Variants in CACNA1F observed in about 807,000 individuals in gnomAD.
CACNA1F encodes voltage-dependent L-type calcium channel subunit alpha-1F.
Under a neutral mutation model 143.8 loss-of-function variants are expected in CACNA1F, and 59 were observed. The ratio of observed to expected loss-of-function variants is 0.41; its 90% CI spans 0.33 to 0.51. CACNA1F has a LOEUF of 0.51. CACNA1F is among the 20% of genes least tolerant of loss of function. The probability of loss-of-function intolerance (pLI) is 0.22; values close to 1 mark genes in which losing one functional copy is unlikely to be tolerated. For synonymous variants in CACNA1F, 643 were observed against 649.1 expected (o/e 0.99, Z 0.14); for missense variants, 1,411 against 1,647.5 (o/e 0.86, Z 2.48).
intron 18 of CACNA1F, 61 bp from the exon 19 acceptor site, chrX:49,220,585 G>A (rs1216628043): frequency 5.4e-6 from 5 of 925,516 alleles, no homozygotes; most frequent in East Asian, 3.1e-5. Flanking sequence ...GGACACAGGG[G>A]AGGCATGGAA....
Position 49,210,991 on chromosome X carries a change from G to T in CACNA1F, c.4362C>A (p.Ile1454=). The part of the protein sequence containing the change: ...GPHHLDEFKR[I]WSEYDPGAKG... ...TGGCCCCAGGGTCATATTCAGACCA[G>T]ATCCTCTTGAATTCATCAAGGTGAT... Residue 1454 remains isoleucine (I), a synonymous_variant, in exon 37 of 48, where the codon ATC becomes ATA. Coordinates refer to ENST00000323022, the MANE Select transcript of CACNA1F (RefSeq NM_001256789.3). The T allele has an allele frequency of 8.3e-7, 1 of 1,207,313 alleles. No individual in the cohort carries two copies. Among genetic ancestry groups the T allele is most frequent in the Non-Finnish European group, 1.1e-6 (1 of 892,837 alleles).
At chrX:49,212,419 C>A in intron 33 of CACNA1F, 111 bp from the exon 34 acceptor site, 1 of 671,563 alleles carries the variant, frequency 1.5e-6, no homozygotes, top group Non-Finnish European at 2.4e-6. Context: ...GAGATGCAGT[C>A]CATCTCCAAA....
At position 49,211,867 on chromosome X, in the gene CACNA1F, A is replaced by G. The variant is rs782335733; in HGVS notation, c.4100+31T>C. On this transcript the variant is annotated intron_variant, in intron 35 of 47. Coordinates refer to ENST00000323022, the MANE Select transcript of CACNA1F (RefSeq NM_001256789.3). ...AGAGGGTGGGTGGGCACCCACGGGCATAAGGTGGCAGGGGAGTGAGTAGAT... is the reference window on the plus strand; with the variant it reads ...AGAGGGTGGGTGGGCACCCACGGGCGTAAGGTGGCAGGGGAGTGAGTAGAT... The G allele has an allele frequency of 6.9e-6, 8 of 1,156,848 alleles. No individual in the cohort carries two copies. The South Asian group carries it at 1.3e-4, about 18-fold the overall frequency.
At position 49,220,517 on chromosome X, in the gene CACNA1F, C is replaced by T. The variant is rs1557108545; in HGVS notation, c.2342G>A (p.Gly781Asp). 8 of 1,207,450 alleles carry T rather than the reference C, an allele frequency of 6.6e-6. No individual in the cohort carries two copies. The highest frequency in any genetic ancestry group is 2.2e-6 in the Non-Finnish European group (2 of 892,058). The change falls in exon 19 of 48, where the codon GGT (glycine) becomes GAT (aspartate). Residue 781 changes from glycine (G) to aspartate (D), a missense_variant. By Grantham distance (94) the Gly-to-Asp change is moderately conservative. Around this residue, in one of 3 missense-constraint regions of CACNA1F, gnomAD observed 950 missense variants for 1,128.1 expected, o/e 0.84. Transcript: ENST00000323022. ...LPQENEGLVP[G>D]VEKEEEEGAR... ...ACCCTCCTCTTCCTCTTTCTCCACA[C>T]CAGGCACCTGAGGACAGGAAGACGG...
At position 49,224,776 on chromosome X, in the gene CACNA1F, AT is replaced by A; in HGVS notation, c.1861del (p.Ile621SerfsTer11). The A allele has an allele frequency of 8.5e-7, 1 of 1,174,504 alleles. No individual in the cohort carries two copies. The highest frequency in any genetic ancestry group is 1.1e-6 in the Non-Finnish European group (1 of 873,834). ...SVLRCVRLLRIFKVTRHWASL... is the reference protein window; with the variant it reads ...SVLRCVRLLRXFKVTRHWASL... ...TAATACAAACCTGGTGACCTTAAAG[AT>A]CCTGAGGAGGCGCACACATCGGAGC... is the stretch of plus-strand genomic sequence containing the variant. On this transcript the variant is annotated frameshift_variant, in exon 14 of 48. Transcript: ENST00000323022. LOFTEE classifies it high-confidence loss of function.
chrX:49,224,706 G>C, intron 14 of CACNA1F, 55 bp downstream of exon 14: 1 of 729,805 alleles, frequency 1.4e-6, no homozygotes, highest in Non-Finnish European at 2.1e-6. Context: ...GAGCTTGGGT[G>C]GGGGTGTTGA....
intron 6 of CACNA1F, among the ~76,000 whole-genome samples, chrX:49,229,881 A>G (rs1557110895): frequency 1.0e-5 from 1 of 99,995 alleles, no homozygotes; most frequent in South Asian, 4.3e-4. Context: ...CGATCTCCTG[A>G]CCTCGTGATC....
chrX:49,223,285 G>T, intron 14 of CACNA1F, 149 bp from the exon 15 acceptor site: 1 of 467,119 alleles, frequency 2.1e-6, no homozygotes. Context: ...AAATGATTTT[G>T]GAGTTGGGGT....
At chrX:49,207,457 G>A (rs2065610204) in intron 43 of CACNA1F, among the ~76,000 whole-genome samples, 1 of 111,144 alleles carries the variant, frequency 9.0e-6, no homozygotes, top group South Asian at 3.8e-4. Context: ...CTGAGACGAG[G>A]TCTTACTCTG....
chrX:49,211,267 C>T (rs1467283735), intron 36 of CACNA1F, 55 bp downstream of exon 36: 9 of 1,172,927 alleles, frequency 7.7e-6, no homozygotes, highest in Non-Finnish European at 1.0e-5. Context: ...ATCCCTGAGC[C>T]CCTCAGGGCC....
rs2147924566 is a variant in CACNA1F, at chrX:49,230,599, C to T, written c.532G>A (p.Val178Ile). Residue 178 changes from valine to isoleucine, a missense_variant, in exon 5 of 48, where the codon GTT (valine) becomes ATT (isoleucine). Val to Ile is a conservative substitution (Grantham distance 29). Transcript: ENST00000323022. ...CGTCCGGGGCCCTGCTCCAGCAGAA[C>T]GCTGAACAGCCTGATGGGGGAGCAC... is the stretch of plus-strand genomic sequence containing the variant. ...FIIVVVGLFS[V>I]LLEQGPGRPG... 1 of 1,168,163 alleles carries T rather than the reference C, an allele frequency of 8.6e-7. No homozygotes were observed. Among genetic ancestry groups the T allele is most frequent in the Admixed American group, 2.5e-5 (1 of 39,440 alleles).
chrX:49,221,053 T>C lies in CACNA1F; in HGVS notation c.2316A>G (p.Pro772=). Residue 772 remains proline (P), a synonymous_variant, in exon 18 of 48, where the codon CCA becomes CCG. Transcript: ENST00000323022. ...AACTCACCAGGCCTTCATTCTCCTG[T>C]GGGAGATCCTTCTCATTGCTCTTCT... ...GGEKSNEKDL[P]QENEGLVPGV... is the part of the protein sequence containing the mutation. 1 of 1,209,719 alleles carries C rather than the reference T, an allele frequency of 8.3e-7. No homozygotes were observed. The highest frequency in any genetic ancestry group is 1.1e-6 in the Non-Finnish European group (1 of 893,412).
chrX:49,207,453 C>T lies in CACNA1F; in HGVS notation c.5124-341G>A, dbSNP rs1179141575. ...TATTTCTATTTTTTATTTTCTGAGA[C>T]GAGGTCTTACTCTGTCACTTAGGCT... On this transcript the variant is annotated intron_variant, in intron 43 of 47. Coordinates refer to ENST00000323022, the MANE Select transcript of CACNA1F (RefSeq NM_001256789.3). Among the ~76,000 whole-genome samples the T allele has an allele frequency of 2.7e-5, 3 of 111,106 alleles. No homozygotes were observed. In the Admixed American group the frequency reaches 2.9e-4, roughly 11 times the overall value.
chrX:49,217,364 C>A (rs900558468), intron 26 of CACNA1F, among the ~76,000 whole-genome samples: 7 of 112,796 alleles, frequency 6.2e-5, no homozygotes, highest in Non-Finnish European at 1.1e-4. Context: ...CACTGTTTAG[C>A]CCCGTTTTTC....
rs1557105486 is a variant in CACNA1F, at chrX:49,208,649, G to A, written c.4989C>T (p.Gly1663=). The stretch of plus-strand genomic sequence containing the variant: ...CAGGCAGAGACACAGAAATCCCGGA[G>A]CCCCGGCGAGCTGAGGGCTGGGAGA... The part of the protein sequence containing the change: ...TMVSQPSARR[G]SGISVSLPVG... The change falls in exon 43 of 48, where the codon GGC becomes GGT. Residue 1663 remains glycine, a synonymous_variant. Coordinates refer to ENST00000323022, the MANE Select transcript of CACNA1F (RefSeq NM_001256789.3). 1 of 1,210,659 alleles carries A rather than the reference G, an allele frequency of 8.3e-7. No individual in the cohort carries two copies.
intron 3 of CACNA1F, 85 bp from the exon 4 acceptor site, chrX:49,231,074 G>GCCCCACCCTCGGTCCT: frequency 2.3e-6 from 2 of 868,928 alleles, no homozygotes; most frequent in Non-Finnish European, 3.3e-6. Context: ...AGCATAGTCA[G>GCCCCACCCTCGGTCCT]GACCGAGGGT....
chrX:49,214,264 A>G lies in CACNA1F; in HGVS notation c.3603T>C (p.Tyr1201=). The change falls in exon 30 of 48, where the codon TAT becomes TAC. Residue 1201 remains tyrosine (Y), a synonymous_variant. Coordinates refer to ENST00000323022, the MANE Select transcript of CACNA1F (RefSeq NM_001256789.3). Reference sequence around the variant, plus strand: ...CATAGTTGAAGGGAGCAGTCTGCTCATAGTGCTGCAGGAGAAAATCAGGTT... The same window carrying G: ...CATAGTTGAAGGGAGCAGTCTGCTCGTAGTGCTGCAGGAGAAAATCAGGTT... The part of the protein sequence containing the change: ...LNTVALAMQH[Y]EQTAPFNYAM... 8.8e-7 allele frequency: 1 copy of G among 1,137,509 alleles called. No individual in the cohort carries two copies. 93.7% of individuals were successfully genotyped at this position (1,137,509 alleles called of 1,213,427 possible).
At chrX:49,216,130 T>C (rs1483926514) in intron 27 of CACNA1F, among the ~76,000 whole-genome samples, 1 of 110,381 alleles carries the variant, frequency 9.1e-6, no homozygotes, top group Non-Finnish European at 1.9e-5. Context: ...AGCTACCTAG[T>C]CCCTTAGAAA....
intron 39 of CACNA1F, 102 bp downstream of exon 39, chrX:49,210,199 A>G (rs1557105866): frequency 3.0e-5 from 21 of 706,210 alleles, no homozygotes; most frequent in Non-Finnish European, 4.8e-5. Context: ...GAATCCTGTC[A>G]CCCATTCTGG....
Sources: allele counts gnomAD v4.1 joint callset (sites outside exome capture counted in the v4.1 genomes callset), GRCh38; gene constraint gnomAD v4.1.1; regional missense constraint gnomAD v4.1.1; transcripts MANE v1.5; gene names NCBI Gene and HGNC (gene_info 2026-07-23, HGNC 2026-07-21).